Variants in NREP observed in about 807,000 individuals in gnomAD.
The protein encoded by NREP is neuronal regeneration-related protein.
A neutral mutation model predicts 8.6 loss-of-function variants in NREP; 5 were observed. The ratio of observed to expected loss-of-function variants is 0.58; its 90% CI spans 0.30 to 1.22. The LOEUF (loss-of-function observed/expected upper bound fraction) is 1.22, where lower values mean the gene tolerates loss of function less well. Among genes scored for constraint, NREP ranks in the 50% most tolerant of loss-of-function variants. The probability of loss-of-function intolerance (pLI) is 0.07; values close to 1 mark genes in which losing one functional copy is unlikely to be tolerated. For missense variants in NREP, 86 were observed against 82.5 expected (o/e 1.04, Z -0.17); for synonymous variants, 27 against 28.0 (o/e 0.96, Z 0.11).
intron 2 of NREP, among the ~76,000 whole-genome samples, chr5:111,845,106 A>C (rs1232592655): frequency 6.6e-6 from 1 of 152,004 alleles, no homozygotes. Context: ...CCAGCTTTGA[A>C]TCATGGTTCA....
intron 2 of NREP, among the ~76,000 whole-genome samples, chr5:111,774,188 G>C (rs1751303838): frequency 6.6e-6 from 1 of 150,516 alleles, no homozygotes; most frequent in Non-Finnish European, 1.5e-5. Context: ...GAGAGGGAAA[G>C]GAAAAAAGGG....
intron 2 of NREP, among the ~76,000 whole-genome samples, chr5:111,819,303 T>C (rs771403967): frequency 4.6e-5 from 7 of 152,206 alleles, no homozygotes; most frequent in East Asian, 1.9e-4. Flanking sequence ...CTGCTCTCTT[T>C]AAAATAGCTA....
intron 2 of NREP, among the ~76,000 whole-genome samples, chr5:111,937,378 G>A (rs372194649): frequency 1.3e-5 from 2 of 152,058 alleles, no homozygotes; most frequent in African/African-American, 4.8e-5. Flanking sequence ...AACTTGAATT[G>A]TTCAAGACTT....
chr5:111,770,897 G>A (rs987477294), intron 2 of NREP, among the ~76,000 whole-genome samples: 5 of 151,938 alleles, frequency 3.3e-5, no homozygotes, highest in Non-Finnish European at 7.4e-5. Context: ...TTCCTCTTCA[G>A]CAAGCAAGAG....
At chr5:111,787,356 T>C (rs1751636180) in intron 2 of NREP, among the ~76,000 whole-genome samples, 1 of 152,230 alleles carries the variant, frequency 6.6e-6, no homozygotes, top group Non-Finnish European at 1.5e-5. Flanking sequence ...TTCCAATTGT[T>C]ATTCCTAACA....
intron 2 of NREP, among the ~76,000 whole-genome samples, chr5:111,968,910 C>T (rs1246546368): frequency 2.6e-5 from 4 of 152,230 alleles, no homozygotes; most frequent in Non-Finnish European, 5.9e-5. Flanking sequence ...CTCATCACCA[C>T]TCAACCCACT....
At chr5:111,879,540 GAAATATCTTAAGT>G (rs1017942276) in intron 2 of NREP, among the ~76,000 whole-genome samples, 12 of 152,244 alleles carry the variant, frequency 7.9e-5, no homozygotes, top group African/African-American at 2.4e-4. Flanking sequence ...TTCTAGACTG[GAAATATCTTAAGT>G]ACAGGTACAG....
intron 2 of NREP, among the ~76,000 whole-genome samples, chr5:111,915,840 G>A (rs942463565): frequency 6.6e-5 from 10 of 151,840 alleles, no homozygotes; most frequent in Non-Finnish European, 8.8e-5. Context: ...TTGATTTCAC[G>A]GCCTGTTCAT....
chr5:111,891,607 T>C (rs1754395912), intron 2 of NREP, among the ~76,000 whole-genome samples: 1 of 152,212 alleles, frequency 6.6e-6, no homozygotes, highest in Non-Finnish European at 1.5e-5. Context: ...AAAAGATGTT[T>C]AATTGGCTCA....
chr5:111,766,776 T>C (rs1046105054), intron 2 of NREP, among the ~76,000 whole-genome samples: 1 of 152,176 alleles, frequency 6.6e-6, no homozygotes, highest in Non-Finnish European at 1.5e-5. Context: ...TCCTTCTGGT[T>C]CTGGTGAAGG....
At chr5:111,740,815 A>C (rs918244707) in intron 2 of NREP, among the ~76,000 whole-genome samples, 2 of 152,166 alleles carry the variant, frequency 1.3e-5, no homozygotes, top group African/African-American at 4.8e-5. Context: ...CTTCTACTAC[A>C]TTGCAGGTAA....
At chr5:111,961,206 G>A (rs1458056350) in intron 2 of NREP, among the ~76,000 whole-genome samples, 1 of 152,196 alleles carries the variant, frequency 6.6e-6, no homozygotes, top group Non-Finnish European at 1.5e-5. Flanking sequence ...TGATCCATGA[G>A]CTGCAGCACT....
chr5:111,777,090 A>G (rs1351153534), intron 2 of NREP, among the ~76,000 whole-genome samples: 1 of 152,100 alleles, frequency 6.6e-6, no homozygotes, highest in Non-Finnish European at 1.5e-5. Flanking sequence ...ACCCATATAA[A>G]TAATCTCCAA....
intron 2 of NREP, among the ~76,000 whole-genome samples, chr5:111,920,508 A>G (rs948293176): frequency 6.6e-6 from 1 of 152,140 alleles, no homozygotes; most frequent in African/African-American, 2.4e-5. Flanking sequence ...AAGGAAATCA[A>G]GGACACAGAC....
chr5:111,910,617 G>T (rs531796603), intron 2 of NREP, among the ~76,000 whole-genome samples: 1 of 152,126 alleles, frequency 6.6e-6, no homozygotes, highest in Admixed American at 6.6e-5. Context: ...TGCCGAGTAT[G>T]GGTTTAGGCA....
At chr5:111,890,043 G>A (rs1336994405) in intron 2 of NREP, among the ~76,000 whole-genome samples, 1 of 152,102 alleles carries the variant, frequency 6.6e-6, no homozygotes, top group African/African-American at 2.4e-5. Flanking sequence ...CTTCTTTTGT[G>A]GTTCTTCAGT....
intron 2 of NREP, among the ~76,000 whole-genome samples, chr5:111,873,480 G>A (rs1019126448): frequency 6.6e-6 from 1 of 152,144 alleles, no homozygotes; most frequent in African/African-American, 2.4e-5. Flanking sequence ...CATTTCATTT[G>A]TAGGGGACAG....
chr5:111,881,698 T>G (rs76442173), intron 2 of NREP, among the ~76,000 whole-genome samples: 12,231 of 152,146 alleles, frequency 0.08, 799 homozygotes, highest in East Asian at 0.24. Flanking sequence ...TGCAGCCACC[T>G]CTGCAGATAC....
At chr5:111,923,530 C>T (rs1290726182) in intron 2 of NREP, among the ~76,000 whole-genome samples, 1 of 152,182 alleles carries the variant, frequency 6.6e-6, no homozygotes, top group African/African-American at 2.4e-5. Flanking sequence ...AGGTGGCTAT[C>T]TGTTAGCCAA....
Sources: gnomAD v4.1 joint callset for allele counts (sites outside exome capture counted in the v4.1 genomes callset) on GRCh38, gnomAD v4.1.1 for gene constraint, MANE v1.5 for transcripts, NCBI Gene and HGNC (gene_info 2026-07-23, HGNC 2026-07-21) for gene names.